HIVEP2: variants seen among roughly 807,000 people sequenced by gnomAD.
HIVEP2 encodes the protein transcription factor HIVEP2.
HIVEP2 carries 14 observed loss-of-function variants against 180.7 expected under a neutral mutation model. The ratio of observed to expected loss-of-function variants is 0.08; its 90% CI spans 0.05 to 0.12. The LOEUF is 0.12. Among genes scored for constraint, HIVEP2 ranks in the 10% least tolerant of loss-of-function variants. The pLI, the probability that HIVEP2 is intolerant of heterozygous loss-of-function variation, is 1.00. For missense variants in HIVEP2, 2,579 were observed against 3,008.5 expected, an observed-to-expected ratio of 0.86 and a Z score of 3.34; for synonymous variants, 1,184 against 1,136.4, an observed-to-expected ratio of 1.04 and a Z score of -0.84.
intron 1 of HIVEP2, among the ~76,000 whole-genome samples, chr6:142,879,950 G>A (rs1776541810): frequency 6.6e-6 from 1 of 152,090 alleles, no homozygotes; most frequent in Admixed American, 6.6e-5. Flanking sequence ...TGTTCATATT[G>A]TATCTACAGG....
intron 2 of HIVEP2, among the ~76,000 whole-genome samples, chr6:142,785,959 T>C (rs901959649): frequency 6.6e-6 from 1 of 152,236 alleles, no homozygotes; most frequent in African/African-American, 2.4e-5. Flanking sequence ...ATGAAAGATA[T>C]GATATCAATT....
intron 1 of HIVEP2, among the ~76,000 whole-genome samples, chr6:142,844,915 G>T (rs1775469737): frequency 6.6e-6 from 1 of 152,088 alleles, no homozygotes; most frequent in African/African-American, 2.4e-5. Context: ...ATGCAAACAG[G>T]CACACCCTAG....
At chr6:142,815,223 G>C (rs188117344) in intron 2 of HIVEP2, among the ~76,000 whole-genome samples, 49 of 152,182 alleles carry the variant, frequency 3.2e-4, no homozygotes, top group East Asian at 1.5e-3. Flanking sequence ...TTGCTCTTTG[G>C]GGGGGACACA....
At chr6:142,901,197 C>T (rs1301541366) in intron 1 of HIVEP2, among the ~76,000 whole-genome samples, 1 of 152,112 alleles carries the variant, frequency 6.6e-6, no homozygotes, top group Non-Finnish European at 1.5e-5. Context: ...CCCACTCCTG[C>T]CCTTTTTAAC....
In HIVEP2 at chr6:142,943,553, G is replaced by A. The variant is rs1022495300; in HGVS notation, c.-641+1546C>T. 6.6e-6 allele frequency among the ~76,000 whole-genome samples: 1 copy of A among 152,164 alleles called. No individual in the cohort carries two copies. ...TTGAGGAGAAAAATCAATAGCCCTT[G>A]ACTAGGGCTCTGGGTATGCTAGAAA... On this transcript the variant is annotated intron_variant, in intron 1 of 9. Transcript: ENST00000367603. The surrounding 1 kb of genome is among the most constrained non-coding windows in gnomAD (Gnocchi z 4.5).
At chr6:142,762,878 C>T (rs976835082) in intron 7 of HIVEP2, among the ~76,000 whole-genome samples, 13 of 152,136 alleles carry the variant, frequency 8.5e-5, no homozygotes, top group African/African-American at 2.9e-4. Flanking sequence ...GCCCCCACTC[C>T]TCCTATTTAT....
At chr6:142,769,474 C>T in intron 5 of HIVEP2, 78 bp downstream of exon 5, 2 of 1,253,348 alleles carry the variant, frequency 1.6e-6, no homozygotes, top group South Asian at 2.8e-5. Context: ...TTTTTTTAGG[C>T]CTTATATCCT....
chr6:142,778,011 G>T (rs2114677661), intron 3 of HIVEP2, among the ~76,000 whole-genome samples: 1 of 152,284 alleles, frequency 6.6e-6, no homozygotes, highest in East Asian at 1.9e-4. Flanking sequence ...AGTCTTTTGG[G>T]TGAGAAATCA....
At chr6:142,924,306 A>C (rs772545150) in intron 1 of HIVEP2, among the ~76,000 whole-genome samples, 4 of 152,228 alleles carry the variant, frequency 2.6e-5, no homozygotes, top group Non-Finnish European at 4.4e-5. Flanking sequence ...AGATAGCAGT[A>C]TCATCTTTAT....
intron 2 of HIVEP2, among the ~76,000 whole-genome samples, chr6:142,831,295 C>A (rs1047341454): frequency 1.3e-5 from 2 of 152,200 alleles, no homozygotes; most frequent in African/African-American, 4.8e-5. Flanking sequence ...GTGCCTTCAT[C>A]TGTGATGTAA....
chr6:142,883,060 A>G (rs751403673), intron 1 of HIVEP2, among the ~76,000 whole-genome samples: 9 of 152,106 alleles, frequency 5.9e-5, no homozygotes, highest in Admixed American at 3.9e-4. Flanking sequence ...GATCTGCTTG[A>G]ACAAAAAGAC....
intron 1 of HIVEP2, among the ~76,000 whole-genome samples, chr6:142,932,230 A>G (rs1777956966): frequency 6.6e-6 from 1 of 152,258 alleles, no homozygotes; most frequent in Admixed American, 6.5e-5. Context: ...TATTCTATCT[A>G]TATTTATACT....
At chr6:142,864,356 A>G (rs1562270374) in intron 1 of HIVEP2, among the ~76,000 whole-genome samples, 1 of 152,180 alleles carries the variant, frequency 6.6e-6, no homozygotes, top group Non-Finnish European at 1.5e-5. Context: ...CAATAGCAGA[A>G]AGAGCTGTGT....
rs1775576259 is a variant in HIVEP2 at position 142,772,532 on chromosome 6, T to G, written c.2207A>C (p.Glu736Ala). Residue 736 changes from glutamate to alanine, a missense_variant, in exon 5 of 10, where the codon GAA becomes GCA. Physicochemically the swap from Glu to Ala is moderately radical, Grantham distance 107. Around this residue, in one of 11 missense-constraint regions of HIVEP2, gnomAD observed 524 missense variants for 563.6 expected, o/e 0.93. Transcript: ENST00000367603. This position sits in a 1 kb window ranked among gnomAD's most constrained non-coding sequence, Gnocchi z 4.9. Reference sequence around the variant, plus strand: ...CATGGCAAATCCACTCCTGACTCCTTCCTGCATCTGCAGTTTGGGGTCATA... The same window carrying G: ...CATGGCAAATCCACTCCTGACTCCTGCCTGCATCTGCAGTTTGGGGTCATA... ...SDYDPKLQMQEGVRSGFAMAG... is the reference protein window; with the variant it reads ...SDYDPKLQMQAGVRSGFAMAG... 1 of 1,614,044 alleles carries G rather than the reference T, an allele frequency of 6.2e-7. No homozygotes were observed. Among genetic ancestry groups the G allele is most frequent in the Non-Finnish European group, 8.5e-7 (1 of 1,180,050 alleles).
At chr6:142,878,349 T>C (rs1776497369) in intron 1 of HIVEP2, among the ~76,000 whole-genome samples, 1 of 152,214 alleles carries the variant, frequency 6.6e-6, no homozygotes, top group Admixed American at 6.5e-5. Context: ...ATACATAATT[T>C]TCCAAACGAT....
Position 142,880,635 on chromosome 6 carries a change from TAC to T in HIVEP2, c.-640-43590_-640-43589del, listed in dbSNP as rs563638560. ...AGAAAGGTTTGCTTCAGCACTTCAT[TAC>T]AAACGGGGAAAGCTGCCCTACACCT... On this transcript the variant is annotated intron_variant, in intron 1 of 9. Coordinates refer to ENST00000367603, the MANE Select transcript of HIVEP2 (RefSeq NM_006734.4). Among the ~76,000 whole-genome samples the T allele has an allele frequency of 7.2e-5, 11 of 152,280 alleles. No homozygotes were observed. In the South Asian group the frequency reaches 2.3e-3, roughly 32 times the overall value.
At chr6:142,794,322 T>C (rs1562521850) in intron 2 of HIVEP2, among the ~76,000 whole-genome samples, 1 of 152,116 alleles carries the variant, frequency 6.6e-6, no homozygotes, top group Non-Finnish European at 1.5e-5. Context: ...AATAAGGCAA[T>C]AAATGTAACT....
rs1775605498 is a variant in HIVEP2 at position 142,773,350 on chromosome 6, G to A, written c.1389C>T (p.Asn463=). The A allele has an allele frequency of 6.2e-7, 1 of 1,614,204 alleles. No homozygotes were observed. The highest frequency in any genetic ancestry group is 2.2e-5 in the East Asian group (1 of 44,880). Residue 463 remains asparagine, a synonymous_variant, in exon 5 of 10, where the codon AAC becomes AAT. Coordinates refer to ENST00000367603, the MANE Select transcript of HIVEP2 (RefSeq NM_006734.4). Reference sequence around the variant, plus strand: ...CAAACATCTTGACATCTAACCTGGTGTTAACGTGAGGTAATGGTTCCATTA... The same window carrying A: ...CAAACATCTTGACATCTAACCTGGTATTAACGTGAGGTAATGGTTCCATTA... The part of the protein sequence containing the change: ...KGIMEPLPHV[N]TRLDVKMFED...
At chr6:142,755,387 T>C (rs1468053547) in intron 9 of HIVEP2, among the ~76,000 whole-genome samples, 1 of 152,250 alleles carries the variant, frequency 6.6e-6, no homozygotes, top group African/African-American at 2.4e-5. Flanking sequence ...CACGTCTCCT[T>C]CATCAAACAC....
Sources: gnomAD v4.1 joint callset for allele counts (sites outside exome capture counted in the v4.1 genomes callset) on GRCh38, gnomAD v4.1.1 for gene constraint, gnomAD v4.1.1 regional missense constraint, Gnocchi (gnomAD v3.1) non-coding constraint, MANE v1.5 for transcripts, NCBI Gene and HGNC (gene_info 2026-07-23, HGNC 2026-07-21) for gene names.